Variants in RTEL1 observed in about 807,000 individuals in gnomAD.
RTEL1 encodes the protein regulator of telomere elongation helicase 1.
A neutral mutation model predicts 162.2 loss-of-function variants in RTEL1; 86 were observed. The ratio of observed to expected loss-of-function variants is 0.53; its 90% CI spans 0.45 to 0.63. The LOEUF (loss-of-function observed/expected upper bound fraction) is 0.63, where lower values mean the gene tolerates loss of function less well. Among genes scored for constraint, RTEL1 ranks in the 30% least tolerant of loss-of-function variants. The probability of loss-of-function intolerance (pLI) is 0.00; values close to 1 mark genes in which losing one functional copy is unlikely to be tolerated. For missense variants in RTEL1, 1,941 were observed against 1,750.2 expected (o/e 1.11, Z -1.95); for synonymous variants, 958 against 717.9 (o/e 1.33, Z -5.35).
chr20:63,666,122 C>A (rs1476189100), intron 7 of RTEL1, 43 bp downstream of exon 7: 1 of 1,509,500 alleles, frequency 6.6e-7, no homozygotes, highest in Non-Finnish European at 9.2e-7. Context: ...CCTTCCATGG[C>A]CCAGCTCTCC....
At chr20:63,678,043 T>C in intron 10 of RTEL1, 102 bp from the exon 11 acceptor site, 2 of 1,323,908 alleles carry the variant, frequency 1.5e-6, no homozygotes, top group South Asian at 1.2e-5. Flanking sequence ...TTCCTTTCCA[T>C]GTTGGTGTCC....
chr20:63,686,478 G>A (rs1173676416), intron 16 of RTEL1: 1 of 153,248 alleles, frequency 6.5e-6, no homozygotes, highest in Non-Finnish European at 1.5e-5. Flanking sequence ...TGGTGTCCAG[G>A]GTGGGGCTTC....
rs745614952 is a variant in RTEL1, at chr20:63,695,101, C to T, written c.3379C>T (p.Arg1127Cys). Residue 1127 changes from arginine (R) to cysteine (C), a missense_variant, in exon 33 of 35, where the codon CGC becomes TGC. Arg to Cys is a radical substitution (Grantham distance 180, BLOSUM62 -3). Transcript: ENST00000360203. ...SMFVRPHHKQ[R>C]FSQTCTDLTG... Reference sequence around the variant, plus strand: ...GTTTGTGCGTCCACACCACAAGCAGCGCTTCTCACAGACGTGCACAGACCT... The same window carrying T: ...GTTTGTGCGTCCACACCACAAGCAGTGCTTCTCACAGACGTGCACAGACCT... The T allele has an allele frequency of 5.6e-6, 9 of 1,612,212 alleles. No individual in the cohort carries two copies. Among genetic ancestry groups the T allele is most frequent in the African/African-American group, 2.7e-5 (2 of 74,902 alleles).
intron 14 of RTEL1, chr20:63,682,745 G>T: frequency 1.0e-6 from 1 of 952,550 alleles, no homozygotes; most frequent in African/African-American, 1.8e-5. Flanking sequence ...GGGGCCAGTG[G>T]CCCCAGGAAG....
intron 16 of RTEL1, chr20:63,687,273 AT>A (rs2090617426): frequency 4.4e-6 from 1 of 225,608 alleles, no homozygotes; most frequent in Admixed American, 5.2e-5. Context: ...GAATGTCGGG[AT>A]GCCGGCGCTT....
chr20:63,690,715 G>A, intron 26 of RTEL1, 90 bp from the exon 27 acceptor site: 1 of 1,426,112 alleles, frequency 7.0e-7, no homozygotes, highest in Non-Finnish European at 9.4e-7. Context: ...CCAAGTGCTG[G>A]GACTCTCCCC....
chr20:63,694,816 C>T lies in RTEL1; in HGVS notation c.3185C>T (p.Ala1062Val), dbSNP rs747035266. 7 of 1,612,520 alleles carry T rather than the reference C, an allele frequency of 4.3e-6. No homozygotes were observed. In the Admixed American group the frequency reaches 5.0e-5, roughly 12 times the overall value. The change falls in exon 32 of 35, where the codon GCC becomes GTC. Residue 1062 changes from alanine (A) to valine (V), a missense_variant. Transcript: ENST00000360203. Reference protein sequence around the residue: ...AGKQGQHAVSAYLADARRALG... With the variant: ...AGKQGQHAVSVYLADARRALG... ...AAGCAGGGCCAGCACGCCGTGAGCG[C>T]CTACCTGGCTGATGCCCGCAGGGCC...
intron 27 of RTEL1, 36 bp from the exon 28 acceptor site, chr20:63,691,706 G>T: frequency 1.9e-6 from 3 of 1,568,732 alleles, no homozygotes; most frequent in South Asian, 2.2e-5. Flanking sequence ...TGTGTGGTTG[G>T]GGTCTGTGTG....
At chr20:63,678,532 C>T (rs1277303040) in intron 12 of RTEL1, among the ~76,000 whole-genome samples, 186 bp downstream of exon 12, 2 of 151,828 alleles carry the variant, frequency 1.3e-5, no homozygotes, top group Non-Finnish European at 2.9e-5. Context: ...AGGAGCAGCA[C>T]ACACTCCCAC....
Position 63,666,994 on chromosome 20 carries a change from C to T in RTEL1, c.615-475C>T, listed in dbSNP as rs1471998530. Among the ~76,000 whole-genome samples, 34 of 152,122 alleles carry T rather than the reference C, an allele frequency of 2.2e-4. 1 individual carries two copies. The South Asian group carries it at 6.9e-3, about 31-fold the overall frequency. On this transcript the variant is annotated intron_variant, in intron 7 of 34. Coordinates refer to ENST00000360203, the MANE Select transcript of RTEL1 (RefSeq NM_001283009.2). ...AGCTGGGACTACAGGTGCCCGCCAC[C>T]ACGTCTGGCTAATTTTCTGTATTTT...
chr20:63,687,057 T>A (rs2090610672), intron 16 of RTEL1: 1 of 153,062 alleles, frequency 6.5e-6, no homozygotes, highest in Admixed American at 6.5e-5. Context: ...GTTCTGCTTG[T>A]GCCGTGTTGA....
intron 14 of RTEL1, among the ~76,000 whole-genome samples, chr20:63,684,097 G>C (rs577167762): frequency 6.6e-6 from 1 of 152,082 alleles, no homozygotes; most frequent in Non-Finnish European, 1.5e-5. Context: ...ATGCTAAACC[G>C]GGTCTTGTGT....
chr20:63,681,883 A>G (rs1210040986), intron 14 of RTEL1: 6 of 985,064 alleles, frequency 6.1e-6, no homozygotes, highest in Non-Finnish European at 7.2e-6. Flanking sequence ...CCAGGCCCAG[A>G]CCCCTCTGTC....
In RTEL1 at chr20:63,695,846, A is replaced by G. The variant is rs1056990; in HGVS notation, c.3891A>G (p.Pro1297=). ...AGAGCGTCATGCAGGTCTTCTGGCC[A>G]GAGCCCCAGTGAGTGCCCACGGAGG... ...RKQSVMQVFW[P]EPQ Residue 1297 remains proline, a synonymous_variant, in exon 35 of 35, where the codon CCA becomes CCG. Coordinates refer to ENST00000360203, the MANE Select transcript of RTEL1 (RefSeq NM_001283009.2). 128,464 of 1,591,698 alleles carry G rather than the reference A, an allele frequency of 0.081. 5,860 individuals carry two copies. Among genetic ancestry groups the G allele is most frequent in the Non-Finnish European group, 0.095 (111,170 of 1,170,604 alleles).
intron 30 of RTEL1, 32 bp downstream of exon 30, chr20:63,693,315 T>G: frequency 1.2e-6 from 2 of 1,609,572 alleles, no homozygotes; most frequent in Non-Finnish European, 1.7e-6. Flanking sequence ...ACCCTCAGAC[T>G]CCTGCGTGGA....
chr20:63,672,715 T>TC, intron 9 of RTEL1, 94 bp downstream of exon 9: 1 of 1,059,338 alleles, frequency 9.4e-7, no homozygotes, highest in Non-Finnish European at 1.4e-6. Flanking sequence ...CTGGCCAAAC[T>TC]CCTGAAGCCC....
chr20:63,680,013 T>G (rs987697937), intron 13 of RTEL1, 67 bp downstream of exon 13: 13 of 1,176,412 alleles, frequency 1.1e-5, no homozygotes, highest in Non-Finnish European at 1.2e-5. Flanking sequence ...GGCCTCCATC[T>G]TGGCAGTCAG....
chr20:63,690,424 T>G lies in RTEL1; in HGVS notation c.2396T>G (p.Leu799Arg), dbSNP rs1016065437. The G allele has an allele frequency of 6.3e-7, 1 of 1,596,916 alleles. No homozygotes were observed. The highest frequency in any genetic ancestry group is 8.5e-7 in the Non-Finnish European group (1 of 1,170,346). Reference protein sequence around the residue: ...AKSLDLHVPSLKQRSSGSPAA... With the variant: ...AKSLDLHVPSRKQRSSGSPAA... The stretch of plus-strand genomic sequence containing the variant: ...AGTCTGGACCTGCATGTCCCCAGCC[T>G]GAAGCAGAGGTCCTCAGGTGCGGAC... The change falls in exon 26 of 35, where the codon CTG becomes CGG. Residue 799 changes from leucine (L) to arginine (R), a missense_variant. By Grantham distance (102) the Leu-to-Arg change is moderately radical. Transcript: ENST00000360203.
At position 63,694,941 on chromosome 20, in the gene RTEL1, A is replaced by G. The variant is rs762872907; in HGVS notation, c.3310A>G (p.Thr1104Ala). Residue 1104 changes from threonine (T) to alanine (A), a missense_variant, in exon 32 of 35, where the codon ACT becomes GCT. Thr to Ala is a moderately conservative substitution (Grantham distance 58). Transcript: ENST00000360203. ...KVLAVLAALT[T>A]AKPEDFPLLH... ...GCTGGCTGTGTTGGCCGCCCTGACC[A>G]CTGCAAAGCCAGAGGACTTCCCCCT... 1.9e-6 allele frequency: 3 copies of G among 1,612,372 alleles called. No homozygotes were observed. Among genetic ancestry groups the G allele is most frequent in the Admixed American group, 3.3e-5 (2 of 60,002 alleles).
Sources: gnomAD v4.1 joint callset for allele counts (sites outside exome capture counted in the v4.1 genomes callset) on GRCh38, gnomAD v4.1.1 for gene constraint, MANE v1.5 for transcripts, NCBI Gene and HGNC (gene_info 2026-07-23, HGNC 2026-07-21) for gene names.